Variants in RANBP2 observed in about 807,000 individuals in gnomAD.
The protein encoded by RANBP2 is E3 SUMO-protein ligase RanBP2.
Under a neutral mutation model 303.6 loss-of-function variants are expected in RANBP2, and 57 were observed. The observed-to-expected ratio is 0.19, with a 90% CI of 0.15 to 0.23. RANBP2 has a LOEUF of 0.23. Among genes scored for constraint, RANBP2 ranks in the 10% least tolerant of loss-of-function variants. The probability of loss-of-function intolerance (pLI) is 1.00; values close to 1 mark genes in which losing one functional copy is unlikely to be tolerated. For synonymous variants in RANBP2, 1,167 were observed against 1,301.5 expected (o/e 0.90, Z 2.23); for missense variants, 3,138 against 3,780.8 (o/e 0.83, Z 4.46).
chr2:109,254,968 G>T, the RANBP2 span, among the ~76,000 whole-genome samples: 3 of 152,156 alleles, frequency 2.0e-5, no homozygotes, highest in Non-Finnish European at 4.4e-5. Flanking sequence ...ACCTATGTGG[G>T]GCTCTGTGGT....
At chr2:109,535,891 A>G in the RANBP2 span, among the ~76,000 whole-genome samples, 1 of 152,152 alleles carries the variant, frequency 6.6e-6, no homozygotes, top group Non-Finnish European at 1.5e-5. Flanking sequence ...TGCACTGGGA[A>G]TAGAACAGAA....
chr2:108,796,506 G>A, the RANBP2 span, among the ~76,000 whole-genome samples: 10 of 152,128 alleles, frequency 6.6e-5, no homozygotes, highest in African/African-American at 1.9e-4. Context: ...AGAAAACGGC[G>A]TATCGAAGAG....
the RANBP2 span, among the ~76,000 whole-genome samples, chr2:109,001,290 C>A: frequency 6.6e-6 from 1 of 152,224 alleles, no homozygotes; most frequent in Non-Finnish European, 1.5e-5. Context: ...GCTGAGAAAG[C>A]TCCTCCCAAT....
At chr2:108,961,204 A>G in the RANBP2 span, among the ~76,000 whole-genome samples, 1 of 151,786 alleles carries the variant, frequency 6.6e-6, no homozygotes, top group East Asian at 1.9e-4. Context: ...GAAAAAGAAG[A>G]CTGACCATAA....
the RANBP2 span, among the ~76,000 whole-genome samples, chr2:109,423,313 G>A: frequency 1.9e-3 from 292 of 152,308 alleles, 1 homozygote; most frequent in African/African-American, 6.7e-3. Flanking sequence ...CACTGGTCAT[G>A]TGAGACGTGC....
At chr2:109,589,035 A>T in the RANBP2 span, among the ~76,000 whole-genome samples, 1 of 151,602 alleles carries the variant, frequency 6.6e-6, no homozygotes, top group African/African-American at 2.4e-5. Context: ...AGTTTAAGTG[A>T]TTCTTCCACC....
At chr2:108,911,105 A>G in the RANBP2 span, 1 of 1,613,646 alleles carries the variant, frequency 6.2e-7, no homozygotes, top group Non-Finnish European at 8.5e-7. Context: ...AATGACCCAG[A>G]GCTCAGGATC....
chr2:109,301,016 G>C, the RANBP2 span, among the ~76,000 whole-genome samples: 1 of 152,202 alleles, frequency 6.6e-6, no homozygotes. Flanking sequence ...AGAGGGGCAG[G>C]GTGTCTCACT....
chr2:108,807,609 T>C, the RANBP2 span, among the ~76,000 whole-genome samples: 1 of 152,124 alleles, frequency 6.6e-6, no homozygotes, highest in Non-Finnish European at 1.5e-5. Context: ...CTTATCTGGT[T>C]CTTCTTTTTG....
chr2:109,799,175 G>T, the RANBP2 span, among the ~76,000 whole-genome samples: 1 of 82,702 alleles, frequency 1.2e-5, no homozygotes, highest in Non-Finnish European at 2.2e-5. Context: ...GGACGCAGAG[G>T]TTGCAGTGAG....
the RANBP2 span, among the ~76,000 whole-genome samples, chr2:109,622,153 C>T: frequency 6.6e-6 from 1 of 152,096 alleles, no homozygotes; most frequent in African/African-American, 2.4e-5. Flanking sequence ...TCTCATAATA[C>T]CCCTTCCCTG....
At chr2:108,792,637 C>G in the RANBP2 span, among the ~76,000 whole-genome samples, 9 of 152,228 alleles carry the variant, frequency 5.9e-5, no homozygotes, top group Non-Finnish European at 1.2e-4. Context: ...TGAAGTGAAG[C>G]TTTTCATTTT....
At chr2:109,419,426 C>A in the RANBP2 span, 1 of 1,137,782 alleles carries the variant, frequency 8.8e-7, no homozygotes, top group Non-Finnish European at 1.3e-6. Flanking sequence ...GGCCAAACAG[C>A]CAGGCAGCTG....
the RANBP2 span, among the ~76,000 whole-genome samples, chr2:109,764,407 A>G: frequency 4.1e-5 from 6 of 147,570 alleles, no homozygotes; most frequent in African/African-American, 1.2e-4. Context: ...AATAATGACC[A>G]TCCCTTTTAA....
chr2:109,254,697 G>A, the RANBP2 span, among the ~76,000 whole-genome samples: 2 of 152,182 alleles, frequency 1.3e-5, no homozygotes, highest in African/African-American at 4.8e-5. Flanking sequence ...GTTGGTGTGT[G>A]GTTGTCTCTT....
chr2:108,850,587 G>A, the RANBP2 span, among the ~76,000 whole-genome samples: 1 of 152,038 alleles, frequency 6.6e-6, no homozygotes, highest in Non-Finnish European at 1.5e-5. Flanking sequence ...GAGTAGCTGG[G>A]ATTACAGGCA....
the RANBP2 span, among the ~76,000 whole-genome samples, chr2:108,943,615 C>T: frequency 1.2e-4 from 19 of 152,146 alleles, no homozygotes; most frequent in Non-Finnish European, 2.5e-4. Context: ...GACTCACTTC[C>T]GAGCACAACA....
chr2:109,337,027 C>G, the RANBP2 span, among the ~76,000 whole-genome samples: 1 of 152,202 alleles, frequency 6.6e-6, no homozygotes, highest in African/African-American at 2.4e-5. Context: ...ATTAGGTATG[C>G]TTTGATTCAG....
the RANBP2 span, chr2:108,930,147 C>CG: frequency 1.9e-6 from 3 of 1,613,958 alleles, no homozygotes; most frequent in Non-Finnish European, 1.7e-6. Flanking sequence ...CCGGCCCACA[C>CG]GGGGGGCACT....
Sources: allele counts gnomAD v4.1 joint callset (sites outside exome capture counted in the v4.1 genomes callset), GRCh38; gene constraint gnomAD v4.1.1; transcripts MANE v1.5; gene names NCBI Gene and HGNC (gene_info 2026-07-23, HGNC 2026-07-21).